The following GLB1 variants were observed in gnomAD, a reference collection of about 807,000 sequenced individuals.
GLB1 encodes galactosidase beta 1.
Under a neutral mutation model 74.0 loss-of-function variants are expected in GLB1, and 56 were observed. The observed-to-expected ratio is 0.76, with a 90% confidence interval of 0.61 to 0.94. The LOEUF (loss-of-function observed/expected upper bound fraction) is 0.94. Among genes scored for constraint, GLB1 ranks in the 40% least tolerant of loss-of-function variants. The pLI is 0.00. For missense variants in GLB1, 787 were observed against 845.5 expected (o/e 0.93, Z 0.86); for synonymous variants, 323 against 323.6 (o/e 1.00, Z 0.02).
chr3:32,961,961 C>A, the GLB1 span, among the ~76,000 whole-genome samples: 1 of 152,146 alleles, frequency 6.6e-6, no homozygotes, highest in African/African-American at 2.4e-5. Flanking sequence ...TTTGGGAGGC[C>A]AAGGCAGGCG....
chr3:33,042,447 A>G (rs1419104675), intron 10 of GLB1, among the ~76,000 whole-genome samples: 1 of 134,612 alleles, frequency 7.4e-6, no homozygotes, highest in African/African-American at 2.8e-5. Flanking sequence ...GGCTCACTGC[A>G]AGCTCCACCT....
intron 9 of GLB1, among the ~76,000 whole-genome samples, chr3:33,048,148 T>C (rs138518607): frequency 6.6e-6 from 1 of 152,052 alleles, no homozygotes; most frequent in East Asian, 1.9e-4. Flanking sequence ...GAGCCCAGCA[T>C]GGAGGGGGTT....
chr3:32,962,175 C>A, the GLB1 span, among the ~76,000 whole-genome samples: 1 of 130,022 alleles, frequency 7.7e-6, no homozygotes, highest in African/African-American at 3.1e-5. Context: ...GCCTGGGCGA[C>A]AGAGTGAGAC....
At chr3:32,973,418 C>T in the GLB1 span, among the ~76,000 whole-genome samples, 3 of 152,104 alleles carry the variant, frequency 2.0e-5, no homozygotes, top group African/African-American at 7.2e-5. Context: ...ACTGCAACCT[C>T]CACCTCCTGG....
chr3:33,024,513 T>C lies in GLB1; in HGVS notation c.1069-188A>G, dbSNP rs935121916. On this transcript the variant is annotated intron_variant, in intron 10 of 15. Coordinates refer to ENST00000307363, the MANE Select transcript of GLB1 (RefSeq NM_000404.4). ...GGTAAATTTTTTACCTCTAAGTGTA[T>C]GTCTGTGTTTTAAGCTTCAGGAATA... is the stretch of plus-strand genomic sequence containing the variant. The C allele has an allele frequency of 6.6e-6, 4 of 604,042 alleles. No homozygotes were observed. The Admixed American group carries it at 1.2e-4, about 18-fold the overall frequency. 37.4% of individuals were successfully genotyped at this position (604,042 alleles called of 1,614,324 possible).
At chr3:33,046,388 G>A (rs748152855) in intron 9 of GLB1, among the ~76,000 whole-genome samples, 156 bp from the exon 10 acceptor site, 1 of 152,070 alleles carries the variant, frequency 6.6e-6, no homozygotes, top group Non-Finnish European at 1.5e-5. Context: ...AGGATGCAAC[G>A]TTTAGAGGAA....
chr3:32,993,389 C>A (rs1258485138), downstream of GLB1, among the ~76,000 whole-genome samples: 1 of 151,968 alleles, frequency 6.6e-6, no homozygotes, highest in South Asian at 2.1e-4. Context: ...AGGGTCTGGC[C>A]CTGCCACCCA....
chr3:33,093,531 C>T lies in GLB1; in HGVS notation c.75+3480G>A. ...CACAAACATTTCCATCTTGGTCCTG[C>T]CCACTGTGGGGCCCAAGTGAATGTC... On this transcript the variant is annotated intron_variant, in intron 1 of 15. Transcript: ENST00000307363. The surrounding 1 kb of genome is among the most constrained non-coding windows in gnomAD (Gnocchi z 6.0). The T allele has an allele frequency of 6.2e-7, 1 of 1,614,220 alleles. No homozygotes were observed. Among genetic ancestry groups the T allele is most frequent in the African/African-American group, 1.3e-5 (1 of 75,054 alleles).
chr3:33,075,693 G>A (rs1219046075), intron 1 of GLB1, among the ~76,000 whole-genome samples: 3 of 152,048 alleles, frequency 2.0e-5, no homozygotes, highest in Non-Finnish European at 4.4e-5. Flanking sequence ...TGAGGGGAGG[G>A]GCAAGGGCAA....
intron 10 of GLB1, among the ~76,000 whole-genome samples, chr3:33,031,640 A>ATATATAT (rs1553608179): frequency 5.6e-5 from 2 of 35,776 alleles, no homozygotes; most frequent in Non-Finnish European, 5.1e-5. Context: ...AAAAAAAAAA[A>ATATATAT]ATATATATAT....
At chr3:33,048,614 A>G (rs1334349348) in intron 9 of GLB1, among the ~76,000 whole-genome samples, 1 of 152,192 alleles carries the variant, frequency 6.6e-6, no homozygotes, top group East Asian at 1.9e-4. Context: ...TCCTCTAGGA[A>G]GCTGGCCTGA....
the GLB1 span, among the ~76,000 whole-genome samples, chr3:32,974,073 A>T: frequency 5.3e-5 from 8 of 152,226 alleles, no homozygotes; most frequent in Non-Finnish European, 1.2e-4. Context: ...GTTAGGCTGG[A>T]GGATAAACAC....
At chr3:33,069,588 T>C (rs1432298996) in intron 2 of GLB1, among the ~76,000 whole-genome samples, 2 of 152,182 alleles carry the variant, frequency 1.3e-5, no homozygotes, top group African/African-American at 4.8e-5. Context: ...GATTAATTTG[T>C]AGATTATTGC....
intron 5 of GLB1, among the ~76,000 whole-genome samples, chr3:33,062,947 G>A (rs1024061858): frequency 6.6e-6 from 1 of 152,204 alleles, no homozygotes; most frequent in Non-Finnish European, 1.5e-5. Flanking sequence ...AGGCAGAGGC[G>A]TGGAAGGCCA....
At chr3:32,963,446 G>A in the GLB1 span, among the ~76,000 whole-genome samples, 1 of 152,144 alleles carries the variant, frequency 6.6e-6, no homozygotes, top group Non-Finnish European at 1.5e-5. Context: ...TCAACTATGT[G>A]AATTAAAAAT....
At chr3:33,030,911 A>T (rs1244672783) in intron 10 of GLB1, 2 of 740,296 alleles carry the variant, frequency 2.7e-6, no homozygotes, top group Non-Finnish European at 3.3e-6. Context: ...ATCAGTAGGG[A>T]AGAGGAGGTC....
chr3:33,017,322 C>T (rs1050979579), intron 13 of GLB1, among the ~76,000 whole-genome samples: 12 of 152,106 alleles, frequency 7.9e-5, no homozygotes, highest in African/African-American at 2.7e-4. Flanking sequence ...GAAAATCATA[C>T]AACAGAATGA....
At chr3:33,018,335 A>T (rs1697325413) in intron 13 of GLB1, 113 bp downstream of exon 13, 5 of 591,688 alleles carry the variant, frequency 8.5e-6, no homozygotes, top group Non-Finnish European at 1.2e-5. Context: ...GATGATGGGT[A>T]GAGCCTGAGG....
chr3:32,976,759 T>C, the GLB1 span, among the ~76,000 whole-genome samples: 1 of 152,170 alleles, frequency 6.6e-6, no homozygotes, highest in Non-Finnish European at 1.5e-5. Context: ...TTCAGGAATA[T>C]AGATGGGACA....
Sources: allele counts gnomAD v4.1 joint callset (sites outside exome capture counted in the v4.1 genomes callset), GRCh38; gene constraint gnomAD v4.1.1; non-coding constraint Gnocchi (gnomAD v3.1); transcripts MANE v1.5; gene names NCBI Gene and HGNC (gene_info 2026-07-23, HGNC 2026-07-21).